Variants in PIEZO1 observed in about 807,000 individuals in gnomAD.
PIEZO1 encodes the protein piezo-type mechanosensitive ion channel component 1.
PIEZO1 carries 296 observed loss-of-function variants against 297.2 expected under a neutral mutation model. The observed-to-expected ratio is 1.00, with a 90% CI of 0.91 to 1.10. The LOEUF (loss-of-function observed/expected upper bound fraction) is 1.10. Ranked by LOEUF, PIEZO1 falls within the 50% of genes least tolerant of loss-of-function variation. The pLI is 0.00. For missense variants in PIEZO1, 5,018 were observed against 3,455.5 expected, an observed-to-expected ratio of 1.45 and a Z score of -11.34; for synonymous variants, 2,427 against 1,507.5, an observed-to-expected ratio of 1.61 and a Z score of -14.13.
At position 88,719,855 on chromosome 16, in the gene PIEZO1, G is replaced by A. The variant is rs776666199; in HGVS notation, c.6270C>T (p.Leu2090=). 12 of 1,550,444 alleles carry A rather than the reference G, an allele frequency of 7.7e-6. No individual in the cohort carries two copies. The highest frequency in any genetic ancestry group is 2.4e-5 in the South Asian group (2 of 84,074). The part of the protein sequence containing the change: ...QIRCGYPTRI[L]GNFLTKKYNH... ...TGTACTTCTTGGTGAGGAAGTTGCCGAGGATGCGGGTGGGGTAGCCGCAGC... is the reference window on the plus strand; with the variant it reads ...TGTACTTCTTGGTGAGGAAGTTGCCAAGGATGCGGGTGGGGTAGCCGCAGC... Residue 2090 remains leucine, a synonymous_variant, in exon 43 of 51, where the codon CTC becomes CTT. Coordinates refer to ENST00000301015, the MANE Select transcript of PIEZO1 (RefSeq NM_001142864.4).
At chr16:88,732,111 A>C (rs1904888575) in intron 21 of PIEZO1, among the ~76,000 whole-genome samples, 1 of 151,852 alleles carries the variant, frequency 6.6e-6, no homozygotes, top group African/African-American at 2.4e-5. Flanking sequence ...AGGCTCCAGG[A>C]GGTGGGCTGT....
chr16:88,727,514 C>T, intron 23 of PIEZO1, 43 bp downstream of exon 23: 2 of 763,370 alleles, frequency 2.6e-6, no homozygotes, highest in Non-Finnish European at 4.3e-6. Flanking sequence ...TGAATGTACT[C>T]TGAGGGTCCT....
At chr16:88,732,938 G>C (rs534355099) in intron 19 of PIEZO1, 2 of 597,494 alleles carry the variant, frequency 3.3e-6, no homozygotes, top group Non-Finnish European at 5.9e-6. Flanking sequence ...CTGGGGGAGT[G>C]AAGAGAGGTC....
chr16:88,738,255 G>C lies in PIEZO1; in HGVS notation c.820C>G (p.Leu274Val). The C allele has an allele frequency of 1.3e-6, 2 of 1,535,866 alleles. No homozygotes were observed. The highest frequency in any genetic ancestry group is 2.4e-5 in the East Asian group (1 of 40,918). ...YCYQMPLAQA[L>V]LPPAGIWARV... The stretch of plus-strand genomic sequence containing the variant: ...GCCCAGATGCCGGCAGGCGGGAGCA[G>C]AGCCTGTGCCAAGGGCATCTGGTAG... Residue 274 changes from leucine (L) to valine (V), a missense_variant, in exon 7 of 51, where the codon CTG (leucine) becomes GTG (valine). Leu to Val is a conservative substitution (Grantham distance 32). Coordinates refer to ENST00000301015, the MANE Select transcript of PIEZO1 (RefSeq NM_001142864.4).
intron 11 of PIEZO1, 39 bp downstream of exon 11, chr16:88,736,600 C>A: frequency 6.7e-7 from 1 of 1,502,308 alleles, no homozygotes; most frequent in Non-Finnish European, 8.9e-7. Flanking sequence ...ACCTGCGCGG[C>A]AGAGGGGGCC....
Position 88,779,760 on chromosome 16 carries a change from G to A in PIEZO1, c.64+5141C>T, listed in dbSNP as rs532295282. 4.1e-4 allele frequency among the ~76,000 whole-genome samples: 63 copies of A among 152,332 alleles called. 1 individual carries two copies. The highest frequency in any genetic ancestry group is 3.4e-3 in the Middle Eastern group (1 of 294). On this transcript the variant is annotated intron_variant, in intron 1 of 50. Coordinates refer to ENST00000301015, the MANE Select transcript of PIEZO1 (RefSeq NM_001142864.4). ...TCCTGGGAGCTGCCCTGTGTGCTCC[G>A]GGACCAGGCGGTGAGTGGCCCCTTC...
chr16:88,743,356 C>T, intron 2 of PIEZO1: 1 of 452,350 alleles, frequency 2.2e-6, no homozygotes. Context: ...TCCCTTTCCA[C>T]CCCGGCACGT....
intron 1 of PIEZO1, among the ~76,000 whole-genome samples, chr16:88,773,857 C>G (rs114018907): frequency 0.021 from 3,159 of 152,220 alleles, 61 homozygotes; most frequent in African/African-American, 0.042. Flanking sequence ...CAGTGCAGGG[C>G]CCCACCGGAG....
At chr16:88,746,108 C>G (rs1335520278) in intron 2 of PIEZO1, among the ~76,000 whole-genome samples, 1 of 152,168 alleles carries the variant, frequency 6.6e-6, no homozygotes, top group African/African-American at 2.4e-5. Context: ...CCAAGGGACC[C>G]AGGGTGCCTT....
At chr16:88,776,887 C>A (rs1907691490) in intron 1 of PIEZO1, among the ~76,000 whole-genome samples, 1 of 152,212 alleles carries the variant, frequency 6.6e-6, no homozygotes, top group South Asian at 2.1e-4. Flanking sequence ...TCATTCCCCG[C>A]CCGGCAGGAG....
chr16:88,771,290 G>A (rs1374209387), intron 1 of PIEZO1, among the ~76,000 whole-genome samples: 2 of 152,114 alleles, frequency 1.3e-5, no homozygotes, highest in African/African-American at 4.8e-5. Context: ...GGCTCAGAGA[G>A]GCTGAGAGAT....
chr16:88,752,799 C>T (rs978462606), intron 1 of PIEZO1, among the ~76,000 whole-genome samples: 3 of 152,254 alleles, frequency 2.0e-5, no homozygotes, highest in Non-Finnish European at 4.4e-5. Context: ...AAGTCCCCTG[C>T]CTGAGACCAT....
rs1912353475 is a variant in PIEZO1, at chr16:88,720,483, G to A, written c.5851C>T (p.His1951Tyr). The change falls in exon 41 of 51, where the codon CAC becomes TAC. Residue 1951 changes from histidine (H) to tyrosine (Y), a missense_variant. By Grantham distance (83) the His-to-Tyr change is moderately conservative. Coordinates refer to ENST00000301015, the MANE Select transcript of PIEZO1 (RefSeq NM_001142864.4). ...TCGGTGGCTGCGCGGTACTTGGTGT[G>A]CAGGATGTCGTGGAAGAAGCGCCGT... ...PLRRFFHDIL[H>Y]TKYRAATDVY... 1 of 1,550,404 alleles carries A rather than the reference G, an allele frequency of 6.4e-7. No homozygotes were observed. Among genetic ancestry groups the A allele is most frequent in the Non-Finnish European group, 8.7e-7 (1 of 1,146,956 alleles).
rs1328567575 is a variant in PIEZO1, at chr16:88,737,461, CGCGAGCAT to C, written c.1195+90_1195+97del. On this transcript the variant is annotated intron_variant, in intron 10 of 50. Transcript: ENST00000301015. ...GAGGGGGCGGCAGGCAGAGGTGCGG[CGCGAGCAT>C]GCGAGAGCGCCAGGCGGCCACCAGG... 5.0e-6 allele frequency: 4 copies of C among 795,686 alleles called. No homozygotes were observed. The Admixed American group carries it at 1.1e-4, about 21-fold the overall frequency. 49.3% of individuals were successfully genotyped at this position (795,686 alleles called of 1,614,324 possible).
At chr16:88,760,149 C>T (rs181649613) in intron 1 of PIEZO1, among the ~76,000 whole-genome samples, 149 of 152,114 alleles carry the variant, frequency 9.8e-4, no homozygotes, top group African/African-American at 2.9e-3. Flanking sequence ...CGGACCTCGC[C>T]GGCGGGGCCT....
chr16:88,782,019 G>A (rs903139119), intron 1 of PIEZO1, among the ~76,000 whole-genome samples: 3 of 152,244 alleles, frequency 2.0e-5, no homozygotes, highest in Non-Finnish European at 4.4e-5. Context: ...GGCTCCTCTC[G>A]CACCAGCTGG....
rs555514522 is a variant in PIEZO1 at position 88,779,492 on chromosome 16, G to A, written c.64+5409C>T. Among the ~76,000 whole-genome samples, 15 of 152,344 alleles carry A rather than the reference G, an allele frequency of 9.8e-5. No individual in the cohort carries two copies. The South Asian group carries it at 2.7e-3, about 27-fold the overall frequency. The stretch of plus-strand genomic sequence containing the variant: ...CTCCTTTCCTGGCTAGCTTGGGAGG[G>A]AGAGCAGGGAGCTCCAGCCCCACCC... On this transcript the variant is annotated intron_variant, in intron 1 of 50. Transcript: ENST00000301015.
chr16:88,770,641 C>T (rs193216152), intron 1 of PIEZO1, among the ~76,000 whole-genome samples: 144 of 152,326 alleles, frequency 9.5e-4, no homozygotes, highest in Middle Eastern at 6.8e-3. Flanking sequence ...GGTACTCTCC[C>T]GCCAGCTGCC....
At chr16:88,717,314 G>T in intron 44 of PIEZO1, 103 bp from the exon 45 acceptor site, 1 of 1,036,686 alleles carries the variant, frequency 9.6e-7, no homozygotes, top group African/African-American at 1.6e-5. Context: ...GCCCCAGCCT[G>T]ACCTCAGTAT....
Sources: allele counts gnomAD v4.1 joint callset (sites outside exome capture counted in the v4.1 genomes callset), GRCh38; gene constraint gnomAD v4.1.1; transcripts MANE v1.5; gene names NCBI Gene and HGNC (gene_info 2026-07-23, HGNC 2026-07-21).